The following ANKRD30BL variants were observed in gnomAD, a reference collection of about 807,000 sequenced individuals.
ANKRD30BL encodes the protein ankyrin repeat domain 30B like.
Under a neutral mutation model 18.4 loss-of-function variants are expected in ANKRD30BL, and 20 were observed. The observed-to-expected ratio is 1.09, with a 90% CI of 0.77 to 1.58. The LOEUF is 1.58. Ranked by LOEUF, ANKRD30BL falls within the 40% of genes most tolerant of loss-of-function variation. The pLI is 0.00. For missense variants in ANKRD30BL, 224 were observed against 268.6 expected (o/e 0.83, Z 1.16); for synonymous variants, 72 against 100.9 (o/e 0.71, Z 1.72).
chr2:132,158,135 C>T (rs1687961812), intron 1 of ANKRD30BL, among the ~76,000 whole-genome samples: 1 of 152,112 alleles, frequency 6.6e-6, no homozygotes, highest in Non-Finnish European at 1.5e-5. Flanking sequence ...GTATATACAA[C>T]AGGATGATGG....
chr2:132,239,515 T>C (rs1680252085), intron 1 of ANKRD30BL, among the ~76,000 whole-genome samples: 1 of 151,978 alleles, frequency 6.6e-6, no homozygotes, highest in Admixed American at 6.6e-5. Context: ...CTCTGTGATG[T>C]GTGTACTCAA....
chr2:132,208,358 G>A (rs1679250986), intron 1 of ANKRD30BL, among the ~76,000 whole-genome samples: 1 of 151,866 alleles, frequency 6.6e-6, no homozygotes, highest in South Asian at 2.1e-4. Flanking sequence ...ACTTTCTACT[G>A]CATTCTTAGA....
chr2:132,232,435 GA>G (rs1303542974), intron 1 of ANKRD30BL, among the ~76,000 whole-genome samples: 1 of 152,026 alleles, frequency 6.6e-6, no homozygotes, highest in Non-Finnish European at 1.5e-5. Context: ...TGAAAACTTT[GA>G]AAAAAATTTA....
At chr2:132,195,649 G>T (rs777636498) in intron 1 of ANKRD30BL, among the ~76,000 whole-genome samples, 5 of 151,220 alleles carry the variant, frequency 3.3e-5, no homozygotes, top group Non-Finnish European at 5.9e-5. Flanking sequence ...AAATTAGCAG[G>T]GCACGGTGGT....
rs564416122 is a variant in ANKRD30BL at position 132,220,574 on chromosome 2, C to T, written n.441+36955G>A. Among the ~76,000 whole-genome samples, 315 of 152,106 alleles carry T rather than the reference C, an allele frequency of 2.1e-3. 3 individuals carry two copies. The highest frequency in any genetic ancestry group is 7.1e-3 in the African/African-American group (296 of 41,464). On this transcript the variant is annotated intron_variant and non_coding_transcript_variant, in intron 1 of 4. Transcript: ENST00000470729. ...GGAGACGGGGTTTCGCTGTGTTGGC[C>T]AGGCCGGTCTCCAGCTCCTAACCGC...
chr2:132,162,347 G>A (rs1483295176), upstream of ANKRD30BL, among the ~76,000 whole-genome samples: 1 of 152,216 alleles, frequency 6.6e-6, no homozygotes, highest in Non-Finnish European at 1.5e-5. Context: ...CACGTGCCAT[G>A]TTCAGGTGGC....
At chr2:132,241,155 T>C (rs1573882190) in intron 1 of ANKRD30BL, among the ~76,000 whole-genome samples, 2 of 151,242 alleles carry the variant, frequency 1.3e-5, no homozygotes, top group Non-Finnish European at 3.0e-5. Context: ...TAGAAGTCTA[T>C]GGTGAAAAAA....
At chr2:132,254,462 G>A (rs1680764474) in intron 1 of ANKRD30BL, among the ~76,000 whole-genome samples, 5 of 148,476 alleles carry the variant, frequency 3.4e-5, no homozygotes, top group Admixed American at 6.7e-5. Context: ...CTGACCCAGC[G>A]GGCTGATCCG....
intron 1 of ANKRD30BL, among the ~76,000 whole-genome samples, chr2:132,238,412 C>G (rs1418703332): frequency 6.6e-6 from 1 of 151,448 alleles, no homozygotes; most frequent in African/African-American, 2.4e-5. Flanking sequence ...GATATTTGGA[C>G]AGCTTTGATG....
chr2:132,200,995 T>C (rs1311320138), intron 1 of ANKRD30BL, among the ~76,000 whole-genome samples: 1 of 152,098 alleles, frequency 6.6e-6, no homozygotes, highest in Non-Finnish European at 1.5e-5. Flanking sequence ...ATGCCACATA[T>C]CTACAACTAT....
chr2:132,183,211 G>A lies in ANKRD30BL; in HGVS notation n.442-26065C>T, dbSNP rs756779610. ...AGTGGCACAAATCTCGGCTCGTTGT[G>A]ACCTTTACCTCCCAGGTTCAAGTGA... On this transcript the variant is annotated intron_variant and non_coding_transcript_variant, in intron 1 of 4. Transcript: ENST00000470729. 1.1e-3 allele frequency among the ~76,000 whole-genome samples: 162 copies of A among 150,112 alleles called. 2 individuals carry two copies. The highest frequency in any genetic ancestry group is 4.8e-3 in the Admixed American group (72 of 15,012).
Position 132,240,303 on chromosome 2 carries a change from G to A in ANKRD30BL, n.441+17226C>T, listed in dbSNP as rs1212405516. Reference sequence around the variant, plus strand: ...ATATTTGGACAGCATTGAGGATTTCGTTGAAAAGGGGAATATCTTCGCATA... The same window carrying A: ...ATATTTGGACAGCATTGAGGATTTCATTGAAAAGGGGAATATCTTCGCATA... On this transcript the variant is annotated intron_variant and non_coding_transcript_variant, in intron 1 of 4. Transcript: ENST00000470729. Among the ~76,000 whole-genome samples, 24 of 151,334 alleles carry A rather than the reference G, an allele frequency of 1.6e-4. No homozygotes were observed. In the South Asian group the frequency reaches 2.9e-3, roughly 18 times the overall value.
chr2:132,207,559 AT>A (rs891367830), intron 1 of ANKRD30BL, among the ~76,000 whole-genome samples: 23 of 152,166 alleles, frequency 1.5e-4, no homozygotes, highest in African/African-American at 4.8e-4. Context: ...ATGAAATTTT[AT>A]TTACTTGATG....
intron 1 of ANKRD30BL, among the ~76,000 whole-genome samples, chr2:132,177,388 A>C (rs1688382721): frequency 6.6e-6 from 1 of 152,116 alleles, no homozygotes. Flanking sequence ...TCTAGATCTC[A>C]TTATCTGCCC....
rs572100909 is a variant in ANKRD30BL, at chr2:132,151,431, T to G, written c.615-455A>C. On this transcript the variant is annotated intron_variant, in intron 4 of 5. Transcript: ENST00000409867. ...AAAATGAAGCAAAAAAAATTTGTTC[T>G]TGAACCTTATTGCTGAAACAATTTA... Among the ~76,000 whole-genome samples the G allele has an allele frequency of 2.3e-4, 35 of 152,272 alleles. No individual in the cohort carries two copies. In the East Asian group the frequency reaches 6.8e-3, roughly 29 times the overall value.
chr2:132,216,768 G>A (rs62165462), intron 1 of ANKRD30BL, among the ~76,000 whole-genome samples: 1 of 148,702 alleles, frequency 6.7e-6, no homozygotes, highest in African/African-American at 2.5e-5. Context: ...AAAAACTAGA[G>A]AGAAGCATTC....
At chr2:132,231,254 CT>C (rs1322207495) in intron 1 of ANKRD30BL, among the ~76,000 whole-genome samples, 1 of 152,116 alleles carries the variant, frequency 6.6e-6, no homozygotes, top group African/African-American at 2.4e-5. Flanking sequence ...AGTTTTGAAC[CT>C]GTCTTTTTGA....
intron 1 of ANKRD30BL, among the ~76,000 whole-genome samples, chr2:132,236,448 T>A (rs1456241118): frequency 2.0e-5 from 3 of 151,654 alleles, no homozygotes; most frequent in Non-Finnish European, 4.4e-5. Flanking sequence ...AACAACCCCA[T>A]CAAAAAGTGG....
rs1182607142 is a variant in ANKRD30BL at position 132,154,707 on chromosome 2, A to T, written c.569T>A (p.Leu190Ter). Residue 190 changes from leucine (L) to a stop codon, truncating the protein, a stop_gained, in exon 4 of 6, where the codon TTA becomes TAA. Transcript: ENST00000409867. LOFTEE classifies it high-confidence loss of function. ...ATTTGCATTTGCATTTTTTGTCAGT[A>T]AAAATTCCACAATTTCCTCACTTCT... ...RKRSEEIVEF[L>*]LTKNANANAV... is the part of the protein sequence containing the mutation. 5.5e-6 allele frequency: 4 copies of T among 733,842 alleles called. No individual in the cohort carries two copies. The African/African-American group carries it at 6.9e-5, about 13-fold the overall frequency. 45.5% of individuals were successfully genotyped at this position (733,842 alleles called of 1,614,324 possible).
Sources: allele counts gnomAD v4.1 joint callset (sites outside exome capture counted in the v4.1 genomes callset), GRCh38; gene constraint gnomAD v4.1.1; transcripts MANE v1.5; gene names NCBI Gene and HGNC (gene_info 2026-07-23, HGNC 2026-07-21).